USP12: variants seen among roughly 807,000 people sequenced by gnomAD.
The protein encoded by USP12 is ubiquitin carboxyl-terminal hydrolase 12.
A neutral mutation model predicts 45.5 loss-of-function variants in USP12; 19 were observed. The ratio of observed to expected loss-of-function variants is 0.42; its 90% confidence interval spans 0.29 to 0.61. The LOEUF is 0.61. USP12 is among the 20% of genes least tolerant of loss of function. The pLI is 0.22. For missense variants in USP12, 242 were observed against 447.7 expected (o/e 0.54, Z 4.15); for synonymous variants, 149 against 148.8 (o/e 1.00, Z -0.01).
At chr13:27,114,778 A>G (rs1233845657) in intron 2 of USP12, among the ~76,000 whole-genome samples, 6 of 152,044 alleles carry the variant, frequency 3.9e-5, no homozygotes, top group African/African-American at 1.5e-4. Context: ...TTAAAAAAAA[A>G]AAAAAAACAA....
At chr13:27,121,486 C>T (rs1017648089) in intron 1 of USP12, among the ~76,000 whole-genome samples, 1 of 151,984 alleles carries the variant, frequency 6.6e-6, no homozygotes, top group African/African-American at 2.4e-5. Context: ...GTTCATAAGT[C>T]AAAAATTACA....
At chr13:27,136,468 A>G (rs375039882) in intron 1 of USP12, among the ~76,000 whole-genome samples, 179 of 152,352 alleles carry the variant, frequency 1.2e-3, no homozygotes, top group African/African-American at 4.1e-3. Context: ...ACTGCACTCC[A>G]GTCTGGGCAA....
intron 2 of USP12, among the ~76,000 whole-genome samples, chr13:27,111,182 T>C (rs1167784333): frequency 1.3e-5 from 2 of 152,178 alleles, no homozygotes; most frequent in African/African-American, 4.8e-5. Context: ...AATTAAAAGG[T>C]TGAAAATACT....
At chr13:27,152,023 AG>A (rs1877589593) in intron 1 of USP12, among the ~76,000 whole-genome samples, 1 of 152,210 alleles carries the variant, frequency 6.6e-6, no homozygotes, top group South Asian at 2.1e-4. Context: ...ATGGGGATGC[AG>A]AGAAATGGGA....
In USP12 at chr13:27,086,775, G is replaced by T. The variant is rs17591685; in HGVS notation, c.734+3108C>A. 1.4e-4 allele frequency among the ~76,000 whole-genome samples: 22 copies of T among 152,072 alleles called. 1 individual carries two copies. Among genetic ancestry groups the T allele is most frequent in the Admixed American group, 1.3e-3 (20 of 15,274 alleles). On this transcript the variant is annotated intron_variant, in intron 6 of 8. Transcript: ENST00000282344. ...AGTCCCTGACTCTTACTTATCCAAC[G>T]GTCTTAGGTACTTTCTAAGGCATTT...
chr13:27,070,867 C>G (rs1332956988), intron 8 of USP12, among the ~76,000 whole-genome samples: 1 of 152,076 alleles, frequency 6.6e-6, no homozygotes, highest in African/African-American at 2.4e-5. Flanking sequence ...TTGTTTTATT[C>G]TAGGTGTGTA....
At chr13:27,080,911 G>A (rs1228105592) in intron 6 of USP12, among the ~76,000 whole-genome samples, 1 of 152,028 alleles carries the variant, frequency 6.6e-6, no homozygotes, top group African/African-American at 2.4e-5. Flanking sequence ...AGCCTTCAGT[G>A]AATCATAATC....
intron 6 of USP12, among the ~76,000 whole-genome samples, chr13:27,081,359 C>T (rs1448605748): frequency 1.3e-5 from 2 of 152,184 alleles, no homozygotes; most frequent in Non-Finnish European, 2.9e-5. Flanking sequence ...AAACCACATT[C>T]TTTGATCTTC....
intron 1 of USP12, among the ~76,000 whole-genome samples, chr13:27,125,384 CTA>C (rs1199683485): frequency 6.6e-6 from 1 of 152,072 alleles, no homozygotes; most frequent in African/African-American, 2.4e-5. Context: ...AGTGTCAAAA[CTA>C]TGTCACAACA....
chr13:27,113,372 C>T (rs1331356836), intron 2 of USP12, among the ~76,000 whole-genome samples: 4 of 152,218 alleles, frequency 2.6e-5, no homozygotes, highest in Non-Finnish European at 4.4e-5. Context: ...GTCCCCCATG[C>T]TGGGCCTGGG....
intron 1 of USP12, among the ~76,000 whole-genome samples, chr13:27,152,444 A>T: frequency 6.6e-6 from 1 of 152,156 alleles, no homozygotes; most frequent in East Asian, 1.9e-4. Flanking sequence ...ACATAAAGTA[A>T]ATCAGTGGTT....
At chr13:27,157,874 CATT>C (rs1877911732) in intron 1 of USP12, among the ~76,000 whole-genome samples, 1 of 152,202 alleles carries the variant, frequency 6.6e-6, no homozygotes, top group African/African-American at 2.4e-5. Context: ...TATCAGTTTA[CATT>C]ATTATACACA....
chr13:27,128,550 T>C (rs978805043), intron 1 of USP12, among the ~76,000 whole-genome samples: 11 of 152,334 alleles, frequency 7.2e-5, no homozygotes, highest in African/African-American at 2.6e-4. Flanking sequence ...GTGGGCAAGA[T>C]GTGTTTTTTC....
intron 1 of USP12, among the ~76,000 whole-genome samples, chr13:27,153,168 C>A (rs1378693506): frequency 6.6e-6 from 1 of 151,834 alleles, no homozygotes; most frequent in Non-Finnish European, 1.5e-5. Context: ...CCTGTCTCTA[C>A]TAAAAAATAC....
At chr13:27,122,557 T>A (rs1355522825) in intron 1 of USP12, among the ~76,000 whole-genome samples, 1 of 151,684 alleles carries the variant, frequency 6.6e-6, no homozygotes, top group Non-Finnish European at 1.5e-5. Context: ...GAGACTGAGA[T>A]GCAAGGTTCA....
At chr13:27,081,654 T>C (rs906500779) in intron 6 of USP12, among the ~76,000 whole-genome samples, 3 of 152,244 alleles carry the variant, frequency 2.0e-5, no homozygotes, top group Admixed American at 6.5e-5. Context: ...CAATTTACTT[T>C]GCTCAGATCC....
At chr13:27,081,987 G>A (rs1382436865) in intron 6 of USP12, among the ~76,000 whole-genome samples, 1 of 152,178 alleles carries the variant, frequency 6.6e-6, no homozygotes, top group African/African-American at 2.4e-5. Flanking sequence ...CACAGGCAGG[G>A]TAGATTCAGC....
At chr13:27,135,442 C>A (rs923791584) in intron 1 of USP12, among the ~76,000 whole-genome samples, 1 of 152,060 alleles carries the variant, frequency 6.6e-6, no homozygotes. Context: ...GCCGGGCATG[C>A]TGGCTCACGC....
At chr13:27,163,071 T>C (rs1229555447) in intron 1 of USP12, 2 of 152,224 alleles carry the variant, frequency 1.3e-5, no homozygotes, top group African/African-American at 4.8e-5. Flanking sequence ...TCTTGTTTTG[T>C]TGTCATTTTC....
Sources: gnomAD v4.1 joint callset for allele counts (sites outside exome capture counted in the v4.1 genomes callset) on GRCh38, gnomAD v4.1.1 for gene constraint, MANE v1.5 for transcripts, NCBI Gene and HGNC (gene_info 2026-07-23, HGNC 2026-07-21) for gene names.